AKR1C2: variants seen among roughly 807,000 people sequenced by gnomAD.
AKR1C2 encodes the protein aldo-keto reductase family 1 member C2.
In AKR1C2, 27 loss-of-function variants were observed where a neutral mutation model predicts 39.8. That is an observed-to-expected ratio of 0.68 (90% CI 0.50 to 0.93). AKR1C2 has a LOEUF of 0.93. Among genes scored for constraint, AKR1C2 ranks in the 40% least tolerant of loss-of-function variants. The pLI is 0.00. For synonymous variants in AKR1C2, 114 were observed against 137.9 expected (o/e 0.83, Z 1.22); for missense variants, 263 against 365.1 (o/e 0.72, Z 2.28).
At chr10:5,004,618 A>AT (rs1245633085), upstream of AKR1C2, 2 of 152,368 alleles carry the variant, frequency 1.3e-5, no homozygotes, top group African/African-American at 4.8e-5. Context: ...ACAAGCCAAA[A>AT]ACCTGATAAC....
intron 1 of AKR1C2, among the ~76,000 whole-genome samples, chr10:5,017,474 T>C (rs1158092179): frequency 2.0e-5 from 3 of 152,216 alleles, no homozygotes; most frequent in African/African-American, 7.2e-5. Flanking sequence ...AACACGATGA[T>C]GCCAATCTTT....
At position 4,995,984 on chromosome 10, in the gene AKR1C2, T is replaced by G. The variant is rs1837022159; in HGVS notation, c.571-119A>C. The G allele has an allele frequency of 1.2e-5, 13 of 1,109,816 alleles. No individual in the cohort carries two copies. The South Asian group carries it at 2.1e-4, about 18-fold the overall frequency. The allele number at this position is 1,109,816 out of a possible 1,614,324, so 68.7% of individuals were successfully genotyped here. A position where few individuals can be genotyped will look rare whatever the true frequency, so the allele number is the denominator to read the frequency against. Reference sequence around the variant, plus strand: ...ATTAAATTTGAACTGAGAATATTATTGTCAAAAATGATCTTTTTCATAAAA... The same window carrying G: ...ATTAAATTTGAACTGAGAATATTATGGTCAAAAATGATCTTTTTCATAAAA... On this transcript the variant is annotated intron_variant, in intron 5 of 8. Coordinates refer to ENST00000380753, the MANE Select transcript of AKR1C2 (RefSeq NM_001393392.1).
chr10:5,008,122 A>G (rs1837441989), upstream of AKR1C2, among the ~76,000 whole-genome samples: 1 of 151,566 alleles, frequency 6.6e-6, no homozygotes, highest in Non-Finnish European at 1.5e-5. Context: ...AGCGGCTGAT[A>G]GATTTATAAT....
At chr10:5,008,093 T>G (rs1190676671), upstream of AKR1C2, among the ~76,000 whole-genome samples, 4 of 151,602 alleles carry the variant, frequency 2.6e-5, no homozygotes, top group Non-Finnish European at 5.9e-5. Context: ...GCCCATGGCT[T>G]TTCCAGGCTG....
In AKR1C2 at chr10:5,001,658, C is replaced by T. The variant is rs765772865; in HGVS notation, c.108G>A (p.Glu36=). The T allele has an allele frequency of 6.4e-5, 103 of 1,613,708 alleles. No individual in the cohort carries two copies. Among genetic ancestry groups the T allele is most frequent in the Non-Finnish European group, 8.5e-5 (100 of 1,179,810 alleles). Residue 36 remains glutamate (E), a synonymous_variant, in exon 2 of 9, where the codon GAG becomes GAA. Coordinates refer to ENST00000380753, the MANE Select transcript of AKR1C2 (RefSeq NM_001393392.1). ...CGGCTTCTATTGCCAATTTGACGGC[C>T]TCTAGAGCTTTACTTTTAGGAACCT... ...PAEVPKSKAL[E]AVKLAIEAGF... is the part of the protein sequence containing the mutation.
At chr10:5,008,595 T>C (rs1554774633), upstream of AKR1C2, among the ~76,000 whole-genome samples, 2 of 151,998 alleles carry the variant, frequency 1.3e-5, no homozygotes, top group African/African-American at 4.8e-5. Context: ...GAATTCTCAG[T>C]CCTATAGGTG....
upstream of AKR1C2, chr10:5,006,104 A>G (rs1303385620): frequency 2.6e-5 from 4 of 152,250 alleles, no homozygotes; most frequent in Admixed American, 6.5e-5. Context: ...TAAGGGACTT[A>G]TGGGACACCT....
intron 5 of AKR1C2, among the ~76,000 whole-genome samples, chr10:4,997,026 G>T (rs1462131497): frequency 1.3e-5 from 2 of 152,120 alleles, no homozygotes; most frequent in African/African-American, 4.8e-5. Flanking sequence ...ACTAGTAATT[G>T]TTAAAGAGAA....
rs1351680216 is a variant in AKR1C2 at position 4,988,919 on chromosome 10, G to A, written c.*1077C>T. 2 of 152,106 alleles carry A rather than the reference G, an allele frequency of 1.3e-5. No individual in the cohort carries two copies. Among genetic ancestry groups the A allele is most frequent in the Non-Finnish European group, 2.9e-5 (2 of 68,012 alleles). 9.4% of individuals were successfully genotyped at this position (152,106 alleles called of 1,614,324 possible). A position where few individuals can be genotyped will look rare whatever the true frequency, so the allele number is the denominator to read the frequency against. ...AAATTTACCAAAGTTTGAAACCAGT[G>A]TGCTGTTTTACATAGCCTGTTTCCA... On this transcript the variant is annotated 3_prime_UTR_variant, in exon 9 of 9. Coordinates refer to ENST00000380753, the MANE Select transcript of AKR1C2 (RefSeq NM_001393392.1).
intron 3 of AKR1C2, chr10:5,000,156 A>G: frequency 7.6e-7 from 1 of 1,323,916 alleles, no homozygotes; most frequent in Non-Finnish European, 9.6e-7. Context: ...AGAGGCAAGA[A>G]GATGGAAACT....
intron 1 of AKR1C2, chr10:5,013,755 A>C (rs1414590166): frequency 1.3e-5 from 2 of 152,250 alleles, no homozygotes; most frequent in African/African-American, 4.8e-5. Context: ...CATATAGTTT[A>C]TTAGCATTAA....
chr10:4,990,140 G>C, intron 8 of AKR1C2, 102 bp from the exon 9 acceptor site: 1 of 1,377,314 alleles, frequency 7.3e-7, no homozygotes, highest in Non-Finnish European at 1.0e-6. Context: ...TAGATGTTAA[G>C]AAGTTCATTT....
intron 4 of AKR1C2, 69 bp from the exon 5 acceptor site, chr10:4,998,816 A>T: frequency 6.3e-7 from 1 of 1,598,672 alleles, no homozygotes; most frequent in Non-Finnish European, 8.5e-7. Flanking sequence ...GTAACATAGA[A>T]CTGTGAAAGC....
At chr10:5,017,963 GGAGA>G (rs149641510), upstream of AKR1C2, 2 of 151,514 alleles carry the variant, frequency 1.3e-5, no homozygotes, top group South Asian at 2.1e-4. Context: ...AGAGGGAGAG[GGAGA>G]GAGAGAGAGA....
At chr10:5,007,843 A>G (rs1222154768), upstream of AKR1C2, among the ~76,000 whole-genome samples, 1 of 151,852 alleles carries the variant, frequency 6.6e-6, no homozygotes, top group African/African-American at 2.4e-5. Flanking sequence ...TGGTTGAACA[A>G]TCTCATTTCA....
intron 1 of AKR1C2, among the ~76,000 whole-genome samples, chr10:5,017,582 C>A (rs185512497): frequency 1.3e-5 from 2 of 152,132 alleles, no homozygotes; most frequent in African/African-American, 4.8e-5. Flanking sequence ...TGTTCATATC[C>A]CTATCAGCAT....
chr10:5,006,862 T>C (rs1588308936), upstream of AKR1C2, among the ~76,000 whole-genome samples: 1 of 151,934 alleles, frequency 6.6e-6, no homozygotes, highest in South Asian at 2.1e-4. Flanking sequence ...GCAATCTCTT[T>C]CTCCCGGTTC....
At chr10:5,005,358 T>A (rs1349624410), upstream of AKR1C2, among the ~76,000 whole-genome samples, 2 of 152,176 alleles carry the variant, frequency 1.3e-5, no homozygotes, top group African/African-American at 4.8e-5. Flanking sequence ...AAAAGATGTT[T>A]ATTTTTTCAA....
intron 7 of AKR1C2, among the ~76,000 whole-genome samples, chr10:4,992,759 T>C (rs1241104571): frequency 6.6e-6 from 1 of 152,192 alleles, no homozygotes; most frequent in Non-Finnish European, 1.5e-5. Context: ...GAGAACAGCC[T>C]GGGCAACACA....
Sources: gnomAD v4.1 joint callset for allele counts (sites outside exome capture counted in the v4.1 genomes callset) on GRCh38, gnomAD v4.1.1 for gene constraint, MANE v1.5 for transcripts, NCBI Gene and HGNC (gene_info 2026-07-23, HGNC 2026-07-21) for gene names.